NRXN2: variants seen among roughly 807,000 people sequenced by gnomAD.
NRXN2 encodes neurexin 2.
In NRXN2, 29 loss-of-function variants were observed where a neutral mutation model predicts 128.8. The ratio of observed to expected loss-of-function variants is 0.23; its 90% CI spans 0.17 to 0.31. NRXN2 has a LOEUF of 0.31. Ranked by LOEUF, NRXN2 falls within the 10% of genes least tolerant of loss-of-function variation. NRXN2 has a pLI of 1.00. For missense variants in NRXN2, 1,881 were observed against 2,452.6 expected (o/e 0.77, Z 4.92); for synonymous variants, 1,098 against 1,075.2 (o/e 1.02, Z -0.41).
chr11:64,719,764 C>T (rs1449484624), intron 1 of NRXN2, among the ~76,000 whole-genome samples: 2 of 152,090 alleles, frequency 1.3e-5, no homozygotes, highest in African/African-American at 2.4e-5. Context: ...GGGTGCACCC[C>T]AGTGATGCAG....
At chr11:64,658,631 A>G (rs1288374284) in intron 11 of NRXN2, among the ~76,000 whole-genome samples, 1 of 152,278 alleles carries the variant, frequency 6.6e-6, no homozygotes, top group Admixed American at 6.5e-5. Flanking sequence ...AGAACATAGT[A>G]TAAATACATT....
intron 5 of NRXN2, among the ~76,000 whole-genome samples, chr11:64,687,845 G>A (rs1216009243): frequency 6.6e-6 from 1 of 152,168 alleles, no homozygotes; most frequent in African/African-American, 2.4e-5. Context: ...AAGTGGACAG[G>A]GACCTCTAGG....
chr11:64,721,192 TC>T (rs1181235442), intron 1 of NRXN2, among the ~76,000 whole-genome samples: 1 of 151,654 alleles, frequency 6.6e-6, no homozygotes, highest in Admixed American at 6.6e-5. Context: ...AGCGCGTGTA[TC>T]ATTGTCAGAG....
chr11:64,642,640 G>A, intron 17 of NRXN2: 1 of 1,602,648 alleles, frequency 6.2e-7, no homozygotes, highest in Non-Finnish European at 8.5e-7. Flanking sequence ...GCTGAGGCTG[G>A]AGGAGACCCG....
chr11:64,677,098 A>C (rs2051442798), intron 6 of NRXN2, 61 bp from the exon 7 acceptor site: 2 of 1,155,820 alleles, frequency 1.7e-6, no homozygotes, highest in African/African-American at 3.0e-5. Flanking sequence ...CAACAAACAC[A>C]ACAACAAAAG....
chr11:64,707,384 C>CAAA (rs1056912729), intron 2 of NRXN2, among the ~76,000 whole-genome samples: 1 of 78,944 alleles, frequency 1.3e-5, no homozygotes. Context: ...GACTCCGTCT[C>CAAA]AAAAAAAAAA....
At chr11:64,708,781 T>A (rs912247923) in intron 2 of NRXN2, among the ~76,000 whole-genome samples, 2 of 152,242 alleles carry the variant, frequency 1.3e-5, no homozygotes, top group African/African-American at 4.8e-5. Context: ...AAATATAATA[T>A]CAAAGTCATC....
At chr11:64,611,222 G>A (rs2040589455) in intron 22 of NRXN2, among the ~76,000 whole-genome samples, 1 of 152,156 alleles carries the variant, frequency 6.6e-6, no homozygotes, top group African/African-American at 2.4e-5. Context: ...AAGGGAGTGG[G>A]CGTCTCTCTC....
chr11:64,648,077 G>T lies in NRXN2; in HGVS notation c.3403+142C>A. On this transcript the variant is annotated intron_variant, in intron 17 of 22. Coordinates refer to ENST00000265459, the MANE Select transcript of NRXN2 (RefSeq NM_015080.4). This position sits in a 1 kb window ranked among gnomAD's most constrained non-coding sequence, Gnocchi z 4.1. ...GGGACAGCAGGCCACAGCTCCCCTG[G>T]GACTCTGCAGACAAGGGATGAGAAG... 1 of 1,213,836 alleles carries T rather than the reference G, an allele frequency of 8.2e-7. No homozygotes were observed. Among genetic ancestry groups the T allele is most frequent in the Non-Finnish European group, 1.2e-6 (1 of 844,882 alleles). The allele number at this position is 1,213,836 out of a possible 1,614,324, so 75.2% of individuals were successfully genotyped here.
At chr11:64,666,497 C>T (rs893442498) in intron 9 of NRXN2, among the ~76,000 whole-genome samples, 1 of 152,026 alleles carries the variant, frequency 6.6e-6, no homozygotes, top group South Asian at 2.1e-4. Flanking sequence ...CCACAGCGCC[C>T]GGCCTAGTGA....
intron 2 of NRXN2, among the ~76,000 whole-genome samples, chr11:64,705,843 C>T (rs2056193504): frequency 6.7e-6 from 1 of 150,050 alleles, no homozygotes; most frequent in Admixed American, 6.8e-5. Context: ...CCCTCTCCTC[C>T]CACTCCACAT....
In NRXN2 at chr11:64,660,361, C is replaced by A; in HGVS notation, c.2360G>T (p.Gly787Val). The A allele has an allele frequency of 6.2e-7, 1 of 1,614,026 alleles. No individual in the cohort carries two copies. Among genetic ancestry groups the A allele is most frequent in the Non-Finnish European group, 8.5e-7 (1 of 1,180,022 alleles). Residue 787 changes from glycine to valine, a missense_variant, in exon 11 of 23, where the codon GGG (glycine) becomes GTG (valine). This residue lies in a region of NRXN2 where 997 missense variants were observed against 1,240.8 expected (regional missense o/e 0.80). Transcript: ENST00000265459. The surrounding 1 kb of genome is among the most constrained non-coding windows in gnomAD (Gnocchi z 5.2). ...SADTLRLELD[G>V]GQMKLTVNLD... The stretch of plus-strand genomic sequence containing the variant: ...GTTGACAGTGAGCTTCATCTGCCCC[C>A]CATCCAGCTCCAGGCGTAGGGTGTC...
chr11:64,630,951 A>G lies in NRXN2; in HGVS notation c.3586-378T>C, dbSNP rs2043817497. 6.6e-6 allele frequency among the ~76,000 whole-genome samples: 1 copy of G among 152,188 alleles called. No homozygotes were observed. The highest frequency in any genetic ancestry group is 2.1e-4 in the South Asian group (1 of 4,836). On this transcript the variant is annotated intron_variant, in intron 18 of 22. Transcript: ENST00000265459. This position sits in a 1 kb window ranked among gnomAD's most constrained non-coding sequence, Gnocchi z 4.6. Reference sequence around the variant, plus strand: ...GGCATGGAGGGCAGAGGCCTCTCTAAGGCAAGATCAGCAGAGAAGTCCACA... The same window carrying G: ...GGCATGGAGGGCAGAGGCCTCTCTAGGGCAAGATCAGCAGAGAAGTCCACA...
chr11:64,643,287 C>T (rs1450088744), intron 17 of NRXN2: 1 of 965,884 alleles, frequency 1.0e-6, no homozygotes, highest in African/African-American at 2.0e-5. Flanking sequence ...AGACCGACGG[C>T]GACTGGGGCC....
chr11:64,635,240 A>G lies in NRXN2; in HGVS notation c.3585+31T>C. 6.2e-7 allele frequency: 1 copy of G among 1,610,510 alleles called. No homozygotes were observed. Among genetic ancestry groups the G allele is most frequent in the Non-Finnish European group, 8.5e-7 (1 of 1,179,198 alleles). ...AACTGATTTGGGAGCAGGAAGCTTG[A>G]GGTTGAAGGGTTGGGGCCCAGGGTC... On this transcript the variant is annotated intron_variant, in intron 18 of 22. Coordinates refer to ENST00000265459, the MANE Select transcript of NRXN2 (RefSeq NM_015080.4). This position sits in a 1 kb window ranked among gnomAD's most constrained non-coding sequence, Gnocchi z 4.8.
chr11:64,696,571 G>A (rs1221789860), intron 3 of NRXN2, among the ~76,000 whole-genome samples: 1 of 132,974 alleles, frequency 7.5e-6, no homozygotes, highest in East Asian at 2.4e-4. Context: ...ACACCTGCCT[G>A]CTGGGCCCTG....
At chr11:64,712,840 C>T in intron 2 of NRXN2, 130 bp downstream of exon 2, 2 of 886,884 alleles carry the variant, frequency 2.3e-6, no homozygotes, top group African/African-American at 1.7e-5. Flanking sequence ...CTGGAGCGCT[C>T]GCACCCACTC....
In NRXN2 at chr11:64,622,184, A is replaced by G. The variant is rs182740381; in HGVS notation, c.4173+569T>C. Among the ~76,000 whole-genome samples, 1 of 152,292 alleles carries G rather than the reference A, an allele frequency of 6.6e-6. No individual in the cohort carries two copies. Among genetic ancestry groups the G allele is most frequent in the African/African-American group, 2.4e-5 (1 of 41,560 alleles). On this transcript the variant is annotated intron_variant, in intron 21 of 22. Transcript: ENST00000265459. This position sits in a 1 kb window ranked among gnomAD's most constrained non-coding sequence, Gnocchi z 4.3. ...CACATGGAGAGGGCTTGTGAAGGCA[A>G]TGGACTTGCAGCCAGGGCTTTCCCA...
intron 17 of NRXN2, chr11:64,642,811 CG>C (rs1471177312): frequency 2.7e-6 from 3 of 1,104,150 alleles, no homozygotes; most frequent in African/African-American, 1.7e-5. Flanking sequence ...CATTTCGGCC[CG>C]GGGGCGACCG....
Sources: gnomAD v4.1 joint callset for allele counts (sites outside exome capture counted in the v4.1 genomes callset) on GRCh38, gnomAD v4.1.1 for gene constraint, gnomAD v4.1.1 regional missense constraint, Gnocchi (gnomAD v3.1) non-coding constraint, MANE v1.5 for transcripts, NCBI Gene and HGNC (gene_info 2026-07-23, HGNC 2026-07-21) for gene names.